The following PCSK7 variants were observed in gnomAD, a reference collection of about 807,000 sequenced individuals.
PCSK7 encodes the protein lymphoma proprotein convertase.
A neutral mutation model predicts 73.3 loss-of-function variants in PCSK7; 38 were observed. The observed-to-expected ratio is 0.52, with a 90% CI of 0.40 to 0.68. The LOEUF is 0.68. PCSK7 is among the 30% of genes least tolerant of loss of function. The pLI is 0.00. For synonymous variants in PCSK7, 296 were observed against 383.8 expected (o/e 0.77, Z 2.68); for missense variants, 692 against 991.5 (o/e 0.70, Z 4.06).
chr11:117,229,009 A>T (rs537051053), intron 3 of PCSK7, among the ~76,000 whole-genome samples: 2 of 152,334 alleles, frequency 1.3e-5, no homozygotes, highest in Non-Finnish European at 2.9e-5. Flanking sequence ...AGTGCTACAC[A>T]TGTATACATT....
intron 12 of PCSK7, chr11:117,210,705 GCCAGGCATGGTGGCTCACT>G (rs2031691866): frequency 6.6e-6 from 1 of 152,206 alleles, no homozygotes; most frequent in South Asian, 2.1e-4. Context: ...TTTATTCCAG[GCCAGGCATGGTGGCTCACT>G]CCAGGCATGG....
intron 12 of PCSK7, chr11:117,216,089 C>T (rs1378446790): frequency 6.6e-6 from 1 of 152,216 alleles, no homozygotes; most frequent in Non-Finnish European, 1.5e-5. Flanking sequence ...ATGCTCCTGC[C>T]TCAGCTTCCC....
chr11:117,219,602 T>C lies in PCSK7; in HGVS notation c.1312A>G (p.Thr438Ala), dbSNP rs929001001. The change falls in exon 10 of 17, where the codon ACA becomes GCA. Residue 438 changes from threonine to alanine, a missense_variant. Coordinates refer to ENST00000320934, the MANE Select transcript of PCSK7 (RefSeq NM_004716.4). ...TGCTGGTATCTCACCCGGGTGGCTG[T>C]GAAGACAATGATGTGCTGGACGTCA... ...WRDVQHIIVF[T>A]ATRYEDRRAE... 1.9e-6 allele frequency: 3 copies of C among 1,612,628 alleles called. No individual in the cohort carries two copies. In the African/African-American group the frequency reaches 4.0e-5, roughly 22 times the overall value.
intron 6 of PCSK7, chr11:117,225,123 G>A (rs537594622): frequency 2.9e-4 from 47 of 164,358 alleles, no homozygotes; most frequent in Non-Finnish European, 4.1e-4. Flanking sequence ...GTGCAATGGC[G>A]CGATTTTGGC....
rs192707056 is a variant in PCSK7, at chr11:117,218,641, C to A, written c.1432-73G>T. 11 of 784,414 alleles carry A rather than the reference C, an allele frequency of 1.4e-5. No homozygotes were observed. In the East Asian group the frequency reaches 2.8e-4, roughly 20 times the overall value. The allele number at this position is 784,414 out of a possible 1,614,324, so 48.6% of individuals were successfully genotyped here. ...ACACCCACATTCTCACAAACACACA[C>A]GCCCTTGTCAATACGATCTTGAAGG... On this transcript the variant is annotated intron_variant, in intron 11 of 16. Transcript: ENST00000320934. This position sits in a 1 kb window ranked among gnomAD's most constrained non-coding sequence, Gnocchi z 4.0.
At chr11:117,224,623 G>T in intron 7 of PCSK7, 78 bp downstream of exon 7, 1 of 1,166,340 alleles carries the variant, frequency 8.6e-7, no homozygotes, top group Non-Finnish European at 1.3e-6. Context: ...TGGGAAGATG[G>T]GTCAACTTGC....
In PCSK7 at chr11:117,229,839, C is replaced by T. The variant is rs760565400; in HGVS notation, c.6G>A (p.Pro2=). M[P]KGRQKVPHLD... ...AGTGTGGCACTTTCTGCCTCCCCTT[C>T]GGCATCAGAGCAGTGGACTGCAGAC... Residue 2 remains proline, a synonymous_variant, in exon 3 of 17, where the codon CCG becomes CCA. Transcript: ENST00000320934. 1.5e-5 allele frequency: 23 copies of T among 1,557,590 alleles called. No individual in the cohort carries two copies. The highest frequency in any genetic ancestry group is 1.7e-4 in the Middle Eastern group (1 of 5,792).
intron 10 of PCSK7, 24 bp downstream of exon 10, chr11:117,219,567 C>A: frequency 6.2e-7 from 1 of 1,609,132 alleles, no homozygotes; most frequent in South Asian, 1.1e-5. Flanking sequence ...GGCCAGGCCA[C>A]TTGTCTACCT....
intron 12 of PCSK7, chr11:117,213,268 A>G (rs2031811575): frequency 6.6e-6 from 1 of 152,218 alleles, no homozygotes; most frequent in Non-Finnish European, 1.5e-5. Flanking sequence ...GAATAAGTCG[A>G]TTGAGAGATA....
Position 117,218,118 on chromosome 11 carries a change from G to T in PCSK7, c.1534+348C>A. 1 of 169,484 alleles carries T rather than the reference G, an allele frequency of 5.9e-6. No individual in the cohort carries two copies. The highest frequency in any genetic ancestry group is 1.3e-5 in the Non-Finnish European group (1 of 79,502). The allele number at this position is 169,484 out of a possible 1,614,324, so 10.5% of individuals were successfully genotyped here. A position where few individuals can be genotyped will look rare whatever the true frequency, so the allele number is the denominator to read the frequency against. On this transcript the variant is annotated intron_variant, in intron 12 of 16. Transcript: ENST00000320934. This position sits in a 1 kb window ranked among gnomAD's most constrained non-coding sequence, Gnocchi z 4.0. ...CCCGAGGACTGACCAGAGTTCTCTG[G>T]CAAGATCTTAGCATGGAAGTCACAG...
chr11:117,224,267 T>C (rs563654447), intron 7 of PCSK7, 51 bp from the exon 8 acceptor site: 5 of 1,589,628 alleles, frequency 3.1e-6, no homozygotes. Context: ...CAGAAAGACC[T>C]CCGCCTACCA....
chr11:117,227,787 G>A (rs980741123), intron 4 of PCSK7, among the ~76,000 whole-genome samples: 1 of 152,202 alleles, frequency 6.6e-6, no homozygotes, highest in African/African-American at 2.4e-5. Flanking sequence ...TAAAAGATAT[G>A]AGCAAAGGAC....
chr11:117,223,252 G>T lies in PCSK7; in HGVS notation c.1111C>A (p.Leu371Met), dbSNP rs1204410336. Residue 371 changes from leucine to methionine, a missense_variant, in exon 9 of 17, where the codon CTG (leucine) becomes ATG (methionine). Physicochemically the swap from Leu to Met is conservative, Grantham distance 15. This residue lies in a region of PCSK7 where 574 missense variants were observed against 689.8 expected (regional missense o/e 0.83). Transcript: ENST00000320934. The part of the protein sequence containing the change: ...PFYAEECASM[L>M]AVTFSGGDKM... The stretch of plus-strand genomic sequence containing the variant: ...TCCCCACCACTGAAGGTGACTGCCA[G>T]CATGGAGGCACATTCTTCTGCATAG... 1 of 1,613,660 alleles carries T rather than the reference G, an allele frequency of 6.2e-7. No homozygotes were observed.
At chr11:117,223,959 A>T in intron 8 of PCSK7, 119 bp downstream of exon 8, 1 of 1,076,630 alleles carries the variant, frequency 9.3e-7, no homozygotes, top group Non-Finnish European at 1.4e-6. Context: ...GTCCTATCTG[A>T]GCCCAAAGAG....
At chr11:117,209,179 G>C (rs2031592881) in intron 12 of PCSK7, 126 bp from the exon 13 acceptor site, 2 of 645,584 alleles carry the variant, frequency 3.1e-6, no homozygotes, top group Non-Finnish European at 5.3e-6. Context: ...CCCTAACTGG[G>C]ACCTCGCCTA....
intron 9 of PCSK7, chr11:117,220,251 A>C (rs377621665): frequency 2.0e-5 from 3 of 152,234 alleles, no homozygotes; most frequent in African/African-American, 7.2e-5. Context: ...GGGTTTCCCA[A>C]CTCTTTTCTT....
chr11:117,231,928 A>AC (rs1302716688), intron 1 of PCSK7, 99 bp downstream of exon 1: 1 of 152,748 alleles, frequency 6.5e-6, no homozygotes, highest in Non-Finnish European at 1.5e-5. Context: ...GACCTCAGGC[A>AC]CCCTCTGTGC....
chr11:117,224,055 G>A (rs1166777003), intron 8 of PCSK7, 23 bp downstream of exon 8: 1 of 1,612,590 alleles, frequency 6.2e-7, no homozygotes, highest in African/African-American at 1.3e-5. Context: ...ACACACAGGA[G>A]CACAGAAACA....
chr11:117,231,851 C>T (rs1271710269), intron 1 of PCSK7, 176 bp downstream of exon 1: 1 of 152,498 alleles, frequency 6.6e-6, no homozygotes, highest in Non-Finnish European at 1.5e-5. Flanking sequence ...CCCCTCTCCT[C>T]ATTAGCACCC....
Sources: allele counts gnomAD v4.1 joint callset (sites outside exome capture counted in the v4.1 genomes callset), GRCh38; gene constraint gnomAD v4.1.1; regional missense constraint gnomAD v4.1.1; non-coding constraint Gnocchi (gnomAD v3.1); transcripts MANE v1.5; gene names NCBI Gene and HGNC (gene_info 2026-07-23, HGNC 2026-07-21).